ADGRL3: variants seen among roughly 807,000 people sequenced by gnomAD.
The protein encoded by ADGRL3 is adhesion G protein-coupled receptor L3, also known as calcium-independent alpha-latrotoxin receptor 3.
A neutral mutation model predicts 153.5 loss-of-function variants in ADGRL3; 62 were observed. That is an observed-to-expected ratio of 0.40 (90% confidence interval 0.33 to 0.50). The LOEUF (loss-of-function observed/expected upper bound fraction) is 0.50, where lower values mean the gene tolerates loss of function less well. Ranked by LOEUF, ADGRL3 falls within the 20% of genes least tolerant of loss-of-function variation. The pLI is 0.47. For missense variants in ADGRL3, 1,641 were observed against 1,859.4 expected (o/e 0.88, Z 2.16); for synonymous variants, 710 against 672.5 (o/e 1.06, Z -0.86).
chr4:61,375,121 C>T (rs987517751), intron 1 of ADGRL3, among the ~76,000 whole-genome samples: 1 of 150,936 alleles, frequency 6.6e-6, no homozygotes, highest in Non-Finnish European at 1.5e-5. Context: ...TCAGAAACTG[C>T]GTGAGTTTAC....
intron 1 of ADGRL3, among the ~76,000 whole-genome samples, chr4:61,227,320 C>T (rs1748446140): frequency 1.3e-5 from 2 of 152,116 alleles, no homozygotes; most frequent in Admixed American, 1.3e-4. Context: ...ATTCTCCCAC[C>T]TCAGCTTCCC....
At chr4:61,648,410 G>A (rs2094124198) in intron 5 of ADGRL3, among the ~76,000 whole-genome samples, 1 of 143,882 alleles carries the variant, frequency 7.0e-6, no homozygotes, top group African/African-American at 2.6e-5. Flanking sequence ...TTTCTGCTAG[G>A]CTGTGTTGAA....
At chr4:61,272,122 T>TG (rs139338257) in intron 1 of ADGRL3, among the ~76,000 whole-genome samples, 27,340 of 151,964 alleles carry the variant, frequency 0.18, 2,570 homozygotes, top group African/African-American at 0.22. Flanking sequence ...TTTCTCTAAG[T>TG]TGTAGTTTCT....
intron 8 of ADGRL3, among the ~76,000 whole-genome samples, chr4:61,759,303 G>A (rs1415209368): frequency 3.3e-5 from 5 of 152,100 alleles, no homozygotes; most frequent in Admixed American, 3.3e-4. Context: ...TCACTTTCAG[G>A]TACACCAATC....
chr4:61,348,918 G>A (rs2095983493), intron 1 of ADGRL3, among the ~76,000 whole-genome samples: 1 of 151,984 alleles, frequency 6.6e-6, no homozygotes, highest in South Asian at 2.1e-4. Flanking sequence ...TACAGTGTAA[G>A]TAAAGAATTC....
At chr4:61,608,444 C>T (rs1018632335) in intron 5 of ADGRL3, among the ~76,000 whole-genome samples, 2 of 152,002 alleles carry the variant, frequency 1.3e-5, no homozygotes, top group African/African-American at 4.8e-5. Flanking sequence ...AAAAACCAAA[C>T]AAAACCCCAA....
chr4:61,209,748 C>T (rs918046997), intron 1 of ADGRL3, among the ~76,000 whole-genome samples: 6 of 152,010 alleles, frequency 3.9e-5, no homozygotes, highest in Non-Finnish European at 7.4e-5. Context: ...ATACTGTGTC[C>T]GAAGATTGAC....
At chr4:61,900,502 C>T (rs776878919) in intron 11 of ADGRL3, among the ~76,000 whole-genome samples, 6 of 151,880 alleles carry the variant, frequency 4.0e-5, no homozygotes, top group East Asian at 1.9e-4. Flanking sequence ...GAATTTGTTG[C>T]GAATAAACTA....
intron 5 of ADGRL3, among the ~76,000 whole-genome samples, chr4:61,676,148 T>G (rs1480149750): frequency 6.6e-6 from 1 of 151,996 alleles, no homozygotes; most frequent in African/African-American, 2.4e-5. Flanking sequence ...TTTATAAATT[T>G]AAATTCATTA....
intron 9 of ADGRL3, among the ~76,000 whole-genome samples, chr4:61,866,245 AGC>A (rs760459294): frequency 6.6e-6 from 1 of 152,162 alleles, no homozygotes; most frequent in Non-Finnish European, 1.5e-5. Context: ...AAACGTACTA[AGC>A]TTCCATGAAT....
At chr4:61,727,490 A>G (rs575112138) in intron 6 of ADGRL3, among the ~76,000 whole-genome samples, 2 of 152,280 alleles carry the variant, frequency 1.3e-5, no homozygotes, top group African/African-American at 2.4e-5. Context: ...GGACTAGACT[A>G]AAAAACAAGA....
At chr4:61,732,055 A>G (rs1469364359) in intron 7 of ADGRL3, among the ~76,000 whole-genome samples, 1 of 152,138 alleles carries the variant, frequency 6.6e-6, no homozygotes, top group Non-Finnish European at 1.5e-5. Flanking sequence ...TTTTTAACTG[A>G]TTAAAATCTA....
intron 12 of ADGRL3, among the ~76,000 whole-genome samples, chr4:61,911,005 T>C (rs1182418177): frequency 6.6e-6 from 1 of 151,978 alleles, no homozygotes; most frequent in Admixed American, 6.6e-5. Context: ...GTTATTTTTG[T>C]CACTTATGCC....
chr4:61,761,894 A>G (rs1358657748), intron 8 of ADGRL3, among the ~76,000 whole-genome samples: 1 of 152,134 alleles, frequency 6.6e-6, no homozygotes, highest in African/African-American at 2.4e-5. Flanking sequence ...TCACACCACT[A>G]TACTCCAGCC....
At chr4:61,691,477 G>A (rs2095538713) in intron 6 of ADGRL3, among the ~76,000 whole-genome samples, 1 of 152,056 alleles carries the variant, frequency 6.6e-6, no homozygotes, top group Admixed American at 6.6e-5. Flanking sequence ...GAGTCCCATT[G>A]CTTACTACAA....
At chr4:61,573,154 A>G (rs995299396) in intron 4 of ADGRL3, among the ~76,000 whole-genome samples, 2 of 151,976 alleles carry the variant, frequency 1.3e-5, no homozygotes, top group African/African-American at 4.8e-5. Flanking sequence ...ATCCAGCAGG[A>G]TATTCTGTCG....
chr4:61,267,478 G>T (rs949214590), intron 1 of ADGRL3, among the ~76,000 whole-genome samples: 13 of 151,578 alleles, frequency 8.6e-5, no homozygotes, highest in Non-Finnish European at 4.4e-5. Flanking sequence ...AAGCACAGAT[G>T]GATTCATTTG....
intron 5 of ADGRL3, among the ~76,000 whole-genome samples, chr4:61,658,750 AC>A (rs1487591332): frequency 6.6e-6 from 1 of 151,638 alleles, no homozygotes; most frequent in Non-Finnish European, 1.5e-5. Flanking sequence ...TGCCTTTTCT[AC>A]CCTCATTCAT....
chr4:61,325,208 A>T (rs947690333), intron 1 of ADGRL3, among the ~76,000 whole-genome samples: 73 of 152,200 alleles, frequency 4.8e-4, no homozygotes, highest in African/African-American at 1.7e-3. Flanking sequence ...GCTACTCAGG[A>T]GGCTGAGGCA....
Sources: allele counts gnomAD v4.1 joint callset (sites outside exome capture counted in the v4.1 genomes callset), GRCh38; gene constraint gnomAD v4.1.1; transcripts MANE v1.5; gene names NCBI Gene and HGNC (gene_info 2026-07-23, HGNC 2026-07-21).